The following ITGA7 variants were observed in gnomAD, a reference collection of about 807,000 sequenced individuals.
ITGA7 encodes integrin alpha-7.
ITGA7 carries 84 observed loss-of-function variants against 131.6 expected under a neutral mutation model. That is an observed-to-expected ratio of 0.64 (90% CI 0.54 to 0.77). The LOEUF (loss-of-function observed/expected upper bound fraction) is 0.77, where lower values mean the gene tolerates loss of function less well. ITGA7 is among the 30% of genes least tolerant of loss of function. The pLI is 0.00. For synonymous variants in ITGA7, 548 were observed against 600.7 expected (o/e 0.91, Z 1.28); for missense variants, 1,399 against 1,482.9 (o/e 0.94, Z 0.93).
chr12:55,703,393 T>A (rs1404497214), intron 1 of ITGA7, among the ~76,000 whole-genome samples: 1 of 150,622 alleles, frequency 6.6e-6, no homozygotes, highest in Non-Finnish European at 1.5e-5. Context: ...ACTATCTGGA[T>A]AAGGGATCAA....
At chr12:55,712,167 G>A (rs558059516), upstream of ITGA7, 7 of 1,551,352 alleles carry the variant, frequency 4.5e-6, no homozygotes, top group Non-Finnish European at 6.1e-6. Context: ...GTGATTGAGG[G>A]AATTCAGTGG....
At position 55,688,880 on chromosome 12, in the gene ITGA7, A is replaced by G; in HGVS notation, c.2922T>C (p.His974=). 1 of 1,614,102 alleles carries G rather than the reference A, an allele frequency of 6.2e-7. No individual in the cohort carries two copies. Among genetic ancestry groups the G allele is most frequent in the Non-Finnish European group, 8.5e-7 (1 of 1,179,996 alleles). The part of the protein sequence containing the change: ...LYSFDRAAVL[H]VWGRLWNSTF... ...TGCTGTTCCAGAGACGGCCCCAGAC[A>G]TGCAGCACAGCCGCGCGGTCAAAGC... The change falls in exon 22 of 25, where the codon CAT becomes CAC. Residue 974 remains histidine, a synonymous_variant. Transcript: ENST00000257879.
chr12:55,692,841 C>G lies in ITGA7; in HGVS notation c.2844+3G>C. The G allele has an allele frequency of 1.2e-6, 2 of 1,608,146 alleles. No homozygotes were observed. Among genetic ancestry groups the G allele is most frequent in the Admixed American group, 1.7e-5 (1 of 59,074 alleles). ...GGCTGCACCGAGTCTGGCCTGCCCT[C>G]ACCAGGGTGATGTTTTTCTTCTTCT... On this transcript the variant is annotated splice_donor_region_variant and intron_variant, in intron 21 of 24. Transcript: ENST00000257879.
rs891014662 is a variant in ITGA7, at chr12:55,692,730, T to C, written c.2844+114A>G. On this transcript the variant is annotated intron_variant, in intron 21 of 24. Transcript: ENST00000257879. ...CCCGGGCACCCCCTCCTATGAATTGTGATGGGAACATCTGGTCAACTTGCA... is the reference window on the plus strand; with the variant it reads ...CCCGGGCACCCCCTCCTATGAATTGCGATGGGAACATCTGGTCAACTTGCA... 2.2e-6 allele frequency: 3 copies of C among 1,371,160 alleles called. No individual in the cohort carries two copies. In the African/African-American group the frequency reaches 4.3e-5, roughly 20 times the overall value. 84.9% of individuals were successfully genotyped at this position (1,371,160 alleles called of 1,614,324 possible). A position where few individuals can be genotyped will look rare whatever the true frequency, so the allele number is the denominator to read the frequency against.
Position 55,694,568 on chromosome 12 carries a change from G to T in ITGA7, c.2278-46C>A, listed in dbSNP as rs956660635. ...GATTAGAGTCAGGGGTGGTCTACGG[G>T]CTTATGGAGAGGCTACTCACGTAGG... On this transcript the variant is annotated intron_variant, in intron 16 of 24. Coordinates refer to ENST00000257879, the MANE Select transcript of ITGA7 (RefSeq NM_002206.3). This position sits in a 1 kb window ranked among gnomAD's most constrained non-coding sequence, Gnocchi z 5.3. The T allele has an allele frequency of 3.7e-6, 6 of 1,612,794 alleles. No homozygotes were observed. Among genetic ancestry groups the T allele is most frequent in the Non-Finnish European group, 5.1e-6 (6 of 1,178,778 alleles).
chr12:55,711,728 A>G (rs2136120531), upstream of ITGA7, among the ~76,000 whole-genome samples: 1 of 152,340 alleles, frequency 6.6e-6, no homozygotes, highest in South Asian at 2.1e-4. Flanking sequence ...TAATCTTTAT[A>G]AAAATTTCCA....
rs763327302 is a variant in ITGA7, at chr12:55,696,904, G to T, written c.1732C>A (p.Leu578Ile). 6.2e-7 allele frequency: 1 copy of T among 1,614,170 alleles called. No homozygotes were observed. The highest frequency in any genetic ancestry group is 8.5e-7 in the Non-Finnish European group (1 of 1,180,008). Residue 578 changes from leucine to isoleucine, a missense_variant, in exon 12 of 25, where the codon CTC becomes ATC. Physicochemically the swap from Leu to Ile is conservative, Grantham distance 5. Coordinates refer to ENST00000257879, the MANE Select transcript of ITGA7 (RefSeq NM_002206.3). The part of the protein sequence containing the change: ...DRVCGDAMFQ[L>I]QENVKDKLRA... ...GCCAAGGGGTCAGTGTCCACCTGGA[G>T]CTGGAACATGGCGTCTCCACAGACT...
In ITGA7 at chr12:55,695,262, T is replaced by G. The variant is rs191116695; in HGVS notation, c.2003+260A>C. 1.0e-5 allele frequency: 6 copies of G among 597,934 alleles called. No homozygotes were observed. In the East Asian group the frequency reaches 1.7e-4, roughly 17 times the overall value. 37.0% of individuals were successfully genotyped at this position (597,934 alleles called of 1,614,324 possible). The stretch of plus-strand genomic sequence containing the variant: ...AATATAATTCCTACCTCACAGAGGT[T>G]TGAAGACTAACCAATGAGATGTATG... On this transcript the variant is annotated intron_variant, in intron 14 of 24. Transcript: ENST00000257879.
At chr12:55,712,486 G>C (rs1296330980), upstream of ITGA7, 4 of 581,086 alleles carry the variant, frequency 6.9e-6, no homozygotes, top group Admixed American at 1.2e-4. Context: ...TCAGTTTGGA[G>C]CTTGCTAATT....
chr12:55,703,326 C>T lies in ITGA7; in HGVS notation c.207-148G>A, dbSNP rs975700678. On this transcript the variant is annotated intron_variant, in intron 1 of 24. Coordinates refer to ENST00000257879, the MANE Select transcript of ITGA7 (RefSeq NM_002206.3). ...AGGGGCAAATGTCAGTTTTCTCAAA[C>T]CCTGGCAAGGACAAATTAATATGCT... The T allele has an allele frequency of 6.0e-5, 52 of 872,690 alleles. No individual in the cohort carries two copies. The African/African-American group carries it at 8.7e-4, about 15-fold the overall frequency. The allele number at this position is 872,690 out of a possible 1,614,324, so 54.1% of individuals were successfully genotyped here.
At chr12:55,702,972 A>C (rs1175455476) in intron 2 of ITGA7, 21 bp from the exon 3 acceptor site, 1 of 1,613,352 alleles carries the variant, frequency 6.2e-7, no homozygotes, top group South Asian at 1.1e-5. Flanking sequence ...GACACTGGGA[A>C]TTAGGGGAGG....
intron 1 of ITGA7, among the ~76,000 whole-genome samples, chr12:55,704,608 C>T (rs1305893556): frequency 6.6e-6 from 1 of 152,196 alleles, no homozygotes; most frequent in Non-Finnish European, 1.5e-5. Context: ...CCAGGATAGG[C>T]AAGTCACATG....
At chr12:55,715,925 C>A (rs1876476169), upstream of ITGA7, 1 of 1,218,220 alleles carries the variant, frequency 8.2e-7, no homozygotes, top group South Asian at 1.7e-5. Context: ...TCACCAAAAA[C>A]TAAGCTCCCA....
upstream of ITGA7, chr12:55,716,195 G>A (rs141270808): frequency 5.6e-4 from 895 of 1,608,246 alleles, no homozygotes; most frequent in Non-Finnish European, 7.0e-4. Context: ...AGGAGCTGCA[G>A]GGTGAGCCAA....
rs1447766561 is a variant in ITGA7, at chr12:55,702,964, C to T, written c.335-13G>A. ...TTTTGCATATCAGCTAGAGGCAGGA[C>T]ACTGGGAATTAGGGGAGGGAAGAGG... On this transcript the variant is annotated splice_polypyrimidine_tract_variant and intron_variant, in intron 2 of 24. Transcript: ENST00000257879. 1 of 1,613,294 alleles carries T rather than the reference C, an allele frequency of 6.2e-7. No individual in the cohort carries two copies. The highest frequency in any genetic ancestry group is 8.5e-7 in the Non-Finnish European group (1 of 1,180,030).
rs992980488 is a variant in ITGA7, at chr12:55,702,709, C to G, written c.414+163G>C. The stretch of plus-strand genomic sequence containing the variant: ...ACAGACATTTTTACATTTATAAGGA[C>G]AAGGACCATGTCTCACACCTTTTTA... On this transcript the variant is annotated intron_variant, in intron 3 of 24. Transcript: ENST00000257879. 30 of 689,626 alleles carry G rather than the reference C, an allele frequency of 4.4e-5. No homozygotes were observed. In the African/African-American group the frequency reaches 4.7e-4, roughly 11 times the overall value. 42.7% of individuals were successfully genotyped at this position (689,626 alleles called of 1,614,324 possible). A position where few individuals can be genotyped will look rare whatever the true frequency, so the allele number is the denominator to read the frequency against.
Position 55,701,008 on chromosome 12 carries a change from G to A in ITGA7, c.561C>T (p.Arg187=). 2 of 1,614,220 alleles carry A rather than the reference G, an allele frequency of 1.2e-6. No homozygotes were observed. The highest frequency in any genetic ancestry group is 1.7e-6 in the Non-Finnish European group (2 of 1,180,034). Residue 187 remains arginine, a synonymous_variant, in exon 4 of 25, where the codon CGC becomes CGT. Transcript: ENST00000257879. ...ACCCAAATTGTTCATGGCCTTGGGG[G>A]CGTCCCTCACAGAACTTCCATTCCC... The part of the protein sequence containing the change: ...DGGEWKFCEG[R]PQGHEQFGFC...
intron 5 of ITGA7, among the ~76,000 whole-genome samples, chr12:55,699,294 G>GGAGCTAGAA (rs1873423019): frequency 6.6e-6 from 1 of 152,294 alleles, no homozygotes; most frequent in African/African-American, 2.4e-5. Context: ...CCACACCCAG[G>GGAGCTAGAA]GAGCTAGAAG....
At chr12:55,701,280 C>T in intron 3 of ITGA7, 126 bp from the exon 4 acceptor site, 1 of 1,570,552 alleles carries the variant, frequency 6.4e-7, no homozygotes. Context: ...TGCACATGCA[C>T]ACATACACAC....
Sources: allele counts gnomAD v4.1 joint callset (sites outside exome capture counted in the v4.1 genomes callset), GRCh38; gene constraint gnomAD v4.1.1; non-coding constraint Gnocchi (gnomAD v3.1); transcripts MANE v1.5; gene names NCBI Gene and HGNC (gene_info 2026-07-23, HGNC 2026-07-21).